The following PLEKHG2 variants were observed in gnomAD, a reference collection of about 807,000 sequenced individuals.
The protein encoded by PLEKHG2 is pleckstrin homology and RhoGEF domain containing G2.
Under a neutral mutation model 104.4 loss-of-function variants are expected in PLEKHG2, and 71 were observed. The ratio of observed to expected loss-of-function variants is 0.68; its 90% CI spans 0.56 to 0.83. PLEKHG2 has a LOEUF of 0.83. Ranked by LOEUF, PLEKHG2 falls within the 40% of genes least tolerant of loss-of-function variation. PLEKHG2 has a pLI of 0.00. For missense variants in PLEKHG2, 1,730 were observed against 1,809.4 expected (o/e 0.96, Z 0.80); for synonymous variants, 728 against 737.0 (o/e 0.99, Z 0.20).
chr19:39,414,035 C>T, intron 1 of PLEKHG2, 30 bp from the exon 2 acceptor site: 2 of 1,490,708 alleles, frequency 1.3e-6, no homozygotes, highest in South Asian at 2.4e-5. Context: ...CCATGGGGTC[C>T]TGATATCCAA....
Position 39,423,090 on chromosome 19 carries a change from A to G in PLEKHG2, c.2036A>G (p.Asn679Ser), listed in dbSNP as rs2078725832. 9.9e-6 allele frequency: 16 copies of G among 1,613,968 alleles called. No individual in the cohort carries two copies. The highest frequency in any genetic ancestry group is 1.6e-4 in the Middle Eastern group (1 of 6,062). Reference sequence around the variant, plus strand: ...CTTCCAGCCATACCTAGTGTCCCCAACACCCCCAGTCTGTCTAGCACTCCC... The same window carrying G: ...CTTCCAGCCATACCTAGTGTCCCCAGCACCCCCAGTCTGTCTAGCACTCCC... The part of the protein sequence containing the change: ...PCLPAIPSVP[N>S]TPSLSSTPTL... The change falls in exon 18 of 19, where the codon AAC (asparagine) becomes AGC (serine). Residue 679 changes from asparagine to serine, a missense_variant. Asn to Ser is a conservative substitution (Grantham distance 46). Coordinates refer to ENST00000425673, the MANE Select transcript of PLEKHG2 (RefSeq NM_022835.3).
At chr19:39,419,062 G>C (rs531749100) in intron 11 of PLEKHG2, 59 bp downstream of exon 11, 53 of 1,459,370 alleles carry the variant, frequency 3.6e-5, no homozygotes, top group Non-Finnish European at 4.6e-5. Context: ...TCCCCCAATA[G>C]TACTAAGAGA....
Position 39,422,263 on chromosome 19 carries a change from A to G in PLEKHG2, c.1652A>G (p.Asn551Ser). The G allele has an allele frequency of 6.2e-7, 1 of 1,613,102 alleles. No individual in the cohort carries two copies. Among genetic ancestry groups the G allele is most frequent in the Non-Finnish European group, 8.5e-7 (1 of 1,179,558 alleles). Residue 551 changes from asparagine to serine, a missense_variant, in exon 17 of 19, where the codon AAT (asparagine) becomes AGT (serine). Coordinates refer to ENST00000425673, the MANE Select transcript of PLEKHG2 (RefSeq NM_022835.3). ...ACTGAAGAAATCCTGGAACTGCTGA[A>G]TCAGCGAGGCCTTCGAGATCCAGGG... ...SITEEILELLNQRGLRDPGPS... is the reference protein window; with the variant it reads ...SITEEILELLSQRGLRDPGPS...
rs1165581268 is a variant in PLEKHG2, at chr19:39,426,360, C to T, written c.*1066C>T. The stretch of plus-strand genomic sequence containing the variant: ...GTTTGCAGCCTCTACAATTCATCCA[C>T]ATGCTCCCTCCCCCAGCAAAATAAT... On this transcript the variant is annotated 3_prime_UTR_variant, in exon 19 of 19. Transcript: ENST00000425673. 1 of 152,308 alleles carries T rather than the reference C, an allele frequency of 6.6e-6. No individual in the cohort carries two copies. Among genetic ancestry groups the T allele is most frequent in the Non-Finnish European group, 1.5e-5 (1 of 68,082 alleles). The allele number at this position is 152,308 out of a possible 1,614,324, so 9.4% of individuals were successfully genotyped here.
chr19:39,414,359 C>T (rs2078567873), intron 2 of PLEKHG2, 164 bp downstream of exon 2: 1 of 679,028 alleles, frequency 1.5e-6, no homozygotes, highest in Middle Eastern at 3.5e-4. Flanking sequence ...GAGGGGGCAG[C>T]GCTGGGCAGA....
Position 39,424,957 on chromosome 19 carries a change from C to CG in PLEKHG2, c.3824_3825insG (p.Ala1276CysfsTer65). The CG allele has an allele frequency of 6.2e-7, 1 of 1,614,198 alleles. No homozygotes were observed. Among genetic ancestry groups the CG allele is most frequent in the Non-Finnish European group, 8.5e-7 (1 of 1,180,030 alleles). On this transcript the variant is annotated frameshift_variant, in exon 19 of 19. Transcript: ENST00000425673. LOFTEE classifies it high-confidence loss of function. ...CGTCAGCTCCTGGGCCCCAATGCAGCTGCCCTCTCCAGATACCTGGCAGCC... is the reference window on the plus strand; with the variant it reads ...CGTCAGCTCCTGGGCCCCAATGCAGCGTGCCCTCTCCAGATACCTGGCAGCC...
chr19:39,420,608 C>G lies in PLEKHG2; in HGVS notation c.1264-18C>G, dbSNP rs745935430. 1 of 1,614,148 alleles carries G rather than the reference C, an allele frequency of 6.2e-7. No individual in the cohort carries two copies. Among genetic ancestry groups the G allele is most frequent in the Non-Finnish European group, 8.5e-7 (1 of 1,180,012 alleles). ...TCCAAGATCGACCCACCTCAGCCCT[C>G]ATCCTCCTGTCTTTCAGGCAAAGCA... On this transcript the variant is annotated intron_variant, in intron 11 of 18. Transcript: ENST00000425673.
chr19:39,423,297 A>T lies in PLEKHG2; in HGVS notation c.2243A>T (p.Asp748Val). The change falls in exon 18 of 19, where the codon GAT becomes GTT. Residue 748 changes from aspartate (D) to valine (V), a missense_variant. Physicochemically the swap from Asp to Val is radical, Grantham distance 152. Transcript: ENST00000425673. The stretch of plus-strand genomic sequence containing the variant: ...TCATTCACAGACTTCCAGCCCCAGG[A>T]TGTCACCCAACATCAGGGATTCCCA... ...GVSFTDFQPQDVTQHQGFPDE... is the reference protein window; with the variant it reads ...GVSFTDFQPQVVTQHQGFPDE... The T allele has an allele frequency of 1.2e-6, 2 of 1,614,028 alleles. No individual in the cohort carries two copies. The highest frequency in any genetic ancestry group is 1.7e-6 in the Non-Finnish European group (2 of 1,179,894).
rs760399453 is a variant in PLEKHG2 at position 39,417,593 on chromosome 19, G to C, written c.783G>C (p.Gly261=). 7 of 1,614,070 alleles carry C rather than the reference G, an allele frequency of 4.3e-6. No individual in the cohort carries two copies. In the South Asian group the frequency reaches 6.6e-5, roughly 15 times the overall value. Residue 261 remains glycine, a synonymous_variant, in exon 8 of 19, where the codon GGG becomes GGC. Coordinates refer to ENST00000425673, the MANE Select transcript of PLEKHG2 (RefSeq NM_022835.3). ...ACTGGGCGGAGGGCCCAGGCACTGG[G>C]GGTCGCGAGATGGTGGAGGAAGCTA... is the stretch of plus-strand genomic sequence containing the variant. ...GKHWAEGPGT[G]GREMVEEAIV...
chr19:39,422,284 C>T lies in PLEKHG2; in HGVS notation c.1673C>T (p.Pro558Leu), dbSNP rs769538571. 4 of 1,609,940 alleles carry T rather than the reference C, an allele frequency of 2.5e-6. No individual in the cohort carries two copies. In the South Asian group the frequency reaches 4.4e-5, roughly 18 times the overall value. Residue 558 changes from proline to leucine, a missense_variant, in exon 17 of 19, where the codon CCA (proline) becomes CTA (leucine). By Grantham distance (98) the Pro-to-Leu change is moderately conservative (BLOSUM62 -3). Coordinates refer to ENST00000425673, the MANE Select transcript of PLEKHG2 (RefSeq NM_022835.3). Reference sequence around the variant, plus strand: ...CTGAATCAGCGAGGCCTTCGAGATCCAGGGGTGAGCTGGCTGTCCCATCAT... The same window carrying T: ...CTGAATCAGCGAGGCCTTCGAGATCTAGGGGTGAGCTGGCTGTCCCATCAT... ...ELLNQRGLRD[P>L]GPSTHDIPKF...
rs1026129338 is a variant in PLEKHG2 at position 39,426,243 on chromosome 19, A to G, written c.*949A>G. ...GATAAGTCTGTCCCACATCTGTCTGATTTCCCTTGGCATCCTTCCCGTCAG... is the reference window on the plus strand; with the variant it reads ...GATAAGTCTGTCCCACATCTGTCTGGTTTCCCTTGGCATCCTTCCCGTCAG... On this transcript the variant is annotated 3_prime_UTR_variant, in exon 19 of 19. Transcript: ENST00000425673. The G allele has an allele frequency of 2.0e-5, 3 of 152,116 alleles. No homozygotes were observed. Among genetic ancestry groups the G allele is most frequent in the Admixed American group, 6.6e-5 (1 of 15,230 alleles). 9.4% of individuals were successfully genotyped at this position (152,116 alleles called of 1,614,324 possible).
In PLEKHG2 at chr19:39,414,023, G is replaced by A. The variant is rs534048938; in HGVS notation, c.-22-42G>A. The A allele has an allele frequency of 5.7e-3, 7,961 of 1,401,730 alleles. 47 individuals are homozygous for A. The highest frequency in any genetic ancestry group is 7.0e-3 in the Non-Finnish European group (7,132 of 1,018,570). The allele number at this position is 1,401,730 out of a possible 1,614,324, so 86.8% of individuals were successfully genotyped here. On this transcript the variant is annotated intron_variant, in intron 1 of 18. Transcript: ENST00000425673. ...ATCTGTGAGTCTGGGCGGCGGAGAG[G>A]CCCATGGGGTCCTGATATCCAAGAA...
At position 39,423,925 on chromosome 19, in the gene PLEKHG2, A is replaced by T. The variant is rs1273283030; in HGVS notation, c.2792A>T (p.His931Leu). The T allele has an allele frequency of 6.2e-7, 1 of 1,614,058 alleles. No homozygotes were observed. Among genetic ancestry groups the T allele is most frequent in the Non-Finnish European group, 8.5e-7 (1 of 1,180,022 alleles). Residue 931 changes from histidine (H) to leucine (L), a missense_variant, in exon 19 of 19, where the codon CAC becomes CTC. His to Leu is a moderately conservative substitution (Grantham distance 99, BLOSUM62 -3). Coordinates refer to ENST00000425673, the MANE Select transcript of PLEKHG2 (RefSeq NM_022835.3). ...CCTAAGCAAGACCTTCCGGGCATCCACGTTTCAGCTGCTACCCTTTTGCCT... is the reference window on the plus strand; with the variant it reads ...CCTAAGCAAGACCTTCCGGGCATCCTCGTTTCAGCTGCTACCCTTTTGCCT... ...NLPKQDLPGI[H>L]VSAATLLPEQ...
In PLEKHG2 at chr19:39,421,304, G is replaced by C; in HGVS notation, c.1503+5G>C. ...TTAGCTAAGCCTGGATTCAAGGTAA[G>C]AGATATCTCGAGATAGGGTCTGGGC... On this transcript the variant is annotated splice_donor_5th_base_variant and intron_variant, in intron 16 of 18. Coordinates refer to ENST00000425673, the MANE Select transcript of PLEKHG2 (RefSeq NM_022835.3). 1 of 1,613,362 alleles carries C rather than the reference G, an allele frequency of 6.2e-7. No individual in the cohort carries two copies. Among genetic ancestry groups the C allele is most frequent in the Non-Finnish European group, 8.5e-7 (1 of 1,179,340 alleles).
rs1376927773 is a variant in PLEKHG2, at chr19:39,425,174, G to A, written c.4041G>A (p.Gly1347=). 1.2e-6 allele frequency: 2 copies of A among 1,602,662 alleles called. No individual in the cohort carries two copies. Among genetic ancestry groups the A allele is most frequent in the African/African-American group, 1.3e-5 (1 of 74,466 alleles). The part of the protein sequence containing the change: ...TTVNIHVGGG[G]RLRPAKAQVR... ...TTAACATCCACGTGGGCGGGGGTGG[G>A]CGGCTGCGGCCAGCCAAGGCCCAGG... The change falls in exon 19 of 19, where the codon GGG becomes GGA. Residue 1347 remains glycine, a synonymous_variant. Coordinates refer to ENST00000425673, the MANE Select transcript of PLEKHG2 (RefSeq NM_022835.3).
chr19:39,419,489 C>T (rs1568394313), intron 11 of PLEKHG2, among the ~76,000 whole-genome samples: 1 of 152,188 alleles, frequency 6.6e-6, no homozygotes, highest in East Asian at 1.9e-4. Flanking sequence ...CACCTGTAAT[C>T]CCAACACTTT....
At position 39,428,317 on chromosome 19, in the gene PLEKHG2, C is replaced by A. The variant is rs1568405487; in HGVS notation, c.*3023C>A. ...GCCTTGCCCGCATGAGGCTTGTGGC[C>A]TGGTACTGTGCACACCTCAGGGGAT... On this transcript the variant is annotated 3_prime_UTR_variant, in exon 19 of 19. Coordinates refer to ENST00000425673, the MANE Select transcript of PLEKHG2 (RefSeq NM_022835.3). 6.6e-6 allele frequency: 1 copy of A among 152,310 alleles called. No individual in the cohort carries two copies. The highest frequency in any genetic ancestry group is 1.5e-5 in the Non-Finnish European group (1 of 68,088). 9.4% of individuals were successfully genotyped at this position (152,310 alleles called of 1,614,324 possible). A position where few individuals can be genotyped will look rare whatever the true frequency, so the allele number is the denominator to read the frequency against.
rs368536015 is a variant in PLEKHG2, at chr19:39,424,113, C to T, written c.2980C>T (p.His994Tyr). 104 of 1,613,980 alleles carry T rather than the reference C, an allele frequency of 6.4e-5. No individual in the cohort carries two copies. The highest frequency in any genetic ancestry group is 8.6e-5 in the Non-Finnish European group (101 of 1,179,998). ...CACTCCTTTGCCTGAGCATAGAAGT[C>T]ACATGGTTATACCAGCTCCATCCAC... is the stretch of plus-strand genomic sequence containing the variant. ...ATTPLPEHRS[H>Y]MVIPAPSTAF... The change falls in exon 19 of 19, where the codon CAC becomes TAC. Residue 994 changes from histidine (H) to tyrosine (Y), a missense_variant. Physicochemically the swap from His to Tyr is moderately conservative, Grantham distance 83 (BLOSUM62 2). Coordinates refer to ENST00000425673, the MANE Select transcript of PLEKHG2 (RefSeq NM_022835.3).
intron 9 of PLEKHG2, 147 bp downstream of exon 9, chr19:39,418,252 A>G (rs1023331291): frequency 1.4e-6 from 1 of 722,578 alleles, no homozygotes; most frequent in Non-Finnish European, 2.0e-6. Flanking sequence ...CTTTCTTTCT[A>G]GTGTATAGAA....
Sources: gnomAD v4.1 joint callset for allele counts (sites outside exome capture counted in the v4.1 genomes callset) on GRCh38, gnomAD v4.1.1 for gene constraint, MANE v1.5 for transcripts, NCBI Gene and HGNC (gene_info 2026-07-23, HGNC 2026-07-21) for gene names.